Variants in MTMR9 observed in about 807,000 individuals in gnomAD.
The protein encoded by MTMR9 is myotubularin-related protein 9.
Under a neutral mutation model 69.5 loss-of-function variants are expected in MTMR9, and 39 were observed. That is an observed-to-expected ratio of 0.56 (90% CI 0.43 to 0.73). The LOEUF is 0.73. Ranked by LOEUF, MTMR9 falls within the 30% of genes least tolerant of loss-of-function variation. The pLI is 0.00. For synonymous variants in MTMR9, 354 were observed against 240.8 expected (o/e 1.47, Z -4.35); for missense variants, 900 against 671.2 (o/e 1.34, Z -3.77).
intron 9 of MTMR9, chr8:11,320,684 G>A (rs939161079): frequency 1.2e-4 from 18 of 152,330 alleles, no homozygotes; most frequent in African/African-American, 4.3e-4. Context: ...AGTGAGCAGA[G>A]ATGATGCTAC....
chr8:11,312,058 T>C (rs539107170), intron 6 of MTMR9, among the ~76,000 whole-genome samples: 2 of 152,142 alleles, frequency 1.3e-5, no homozygotes, highest in African/African-American at 2.4e-5. Context: ...TATTTATTTA[T>C]TTAGGAGACA....
chr8:11,315,185 A>G, intron 7 of MTMR9, 121 bp downstream of exon 7: 1 of 1,223,196 alleles, frequency 8.2e-7, no homozygotes, highest in South Asian at 1.4e-5. Flanking sequence ...TGTGTGTTTA[A>G]TTTACTGCAG....
At chr8:11,321,491 A>G in intron 9 of MTMR9, 1 of 456,640 alleles carries the variant, frequency 2.2e-6, no homozygotes, top group South Asian at 1.5e-5. Flanking sequence ...CTTTGTACCA[A>G]ACCTCCTTGT....
intron 6 of MTMR9, 101 bp downstream of exon 6, chr8:11,309,789 A>C (rs1160050596): frequency 1.5e-6 from 2 of 1,329,896 alleles, no homozygotes; most frequent in Non-Finnish European, 2.1e-6. Flanking sequence ...AGTTTGCAGT[A>C]AATTACTGTG....
intron 1 of MTMR9, among the ~76,000 whole-genome samples, chr8:11,289,614 G>A (rs2572426): frequency 0.65 from 99,047 of 151,754 alleles, 33,648 homozygotes; most frequent in East Asian, 0.89. Flanking sequence ...TTTCACTCCC[G>A]TTTCCTGCCT....
At chr8:11,285,122 G>T in intron 1 of MTMR9, 52 bp downstream of exon 1, 1 of 1,463,790 alleles carries the variant, frequency 6.8e-7, no homozygotes, top group South Asian at 1.4e-5. Context: ...TCCCTTGTGG[G>T]CGCCCCGGGA....
chr8:11,298,729 C>G (rs3824210), intron 2 of MTMR9: 111 of 928,692 alleles, frequency 1.2e-4, no homozygotes, highest in South Asian at 6.6e-4. Flanking sequence ...CACCCCCCCC[C>G]CGCCATCCAG....
At position 11,314,773 on chromosome 8, in the gene MTMR9, C is replaced by T. The variant is rs1027200353; in HGVS notation, c.972-150C>T. On this transcript the variant is annotated intron_variant, in intron 6 of 9. Coordinates refer to ENST00000221086, the MANE Select transcript of MTMR9 (RefSeq NM_015458.4). Reference sequence around the variant, plus strand: ...ATTTAGATTTAGATTCTGAACTCTACAAGTCAGAGCAGAATGTTGTACTCA... The same window carrying T: ...ATTTAGATTTAGATTCTGAACTCTATAAGTCAGAGCAGAATGTTGTACTCA... 8 of 612,922 alleles carry T rather than the reference C, an allele frequency of 1.3e-5. No individual in the cohort carries two copies. The Admixed American group carries it at 1.7e-4, about 13-fold the overall frequency. 38.0% of individuals were successfully genotyped at this position (612,922 alleles called of 1,614,324 possible).
chr8:11,319,646 A>G (rs1341089093), intron 8 of MTMR9, 41 bp from the exon 9 acceptor site: 7 of 1,605,704 alleles, frequency 4.4e-6, no homozygotes, highest in Admixed American at 3.3e-5. Context: ...AATGGTTGTT[A>G]TAAATTAATT....
At chr8:11,315,123 G>A in intron 7 of MTMR9, 59 bp downstream of exon 7, 1 of 1,574,458 alleles carries the variant, frequency 6.4e-7, no homozygotes, top group Non-Finnish European at 8.7e-7. Flanking sequence ...ATCCTGCTTT[G>A]TGTGGTAGCT....
chr8:11,332,607 C>CTT (rs34322790), downstream of MTMR9, among the ~76,000 whole-genome samples: 36 of 148,956 alleles, frequency 2.4e-4, no homozygotes, highest in Middle Eastern at 3.4e-3. Flanking sequence ...TTGTTTTTTG[C>CTT]TTTTTTTTTT....
chr8:11,316,769 G>A lies in MTMR9; in HGVS notation c.1210G>A (p.Val404Met), dbSNP rs773090402. The A allele has an allele frequency of 1.7e-5, 28 of 1,613,784 alleles. No homozygotes were observed. Among genetic ancestry groups the A allele is most frequent in the Middle Eastern group, 3.3e-4 (2 of 6,082 alleles). ...TGTATTTCTTCTCTTCTTGGACTGC[G>A]TGTGGCAGATCCTTCGTCAGTTTCC... ...APVFLLFLDC[V>M]WQILRQFPCS... The change falls in exon 8 of 10, where the codon GTG becomes ATG. Residue 404 changes from valine (V) to methionine (M), a missense_variant. Coordinates refer to ENST00000221086, the MANE Select transcript of MTMR9 (RefSeq NM_015458.4).
the MTMR9 span, among the ~76,000 whole-genome samples, chr8:11,339,465 A>G: frequency 1.3e-5 from 2 of 152,348 alleles, no homozygotes; most frequent in Admixed American, 6.5e-5. Context: ...GCAAACCCAG[A>G]TCTGTAGGCC....
At chr8:11,304,525 T>C (rs753699437) in intron 3 of MTMR9, among the ~76,000 whole-genome samples, 2 of 152,126 alleles carry the variant, frequency 1.3e-5, no homozygotes, top group Non-Finnish European at 2.9e-5. Flanking sequence ...CCGTGTAAAA[T>C]AGGGAACTTG....
intron 3 of MTMR9, among the ~76,000 whole-genome samples, chr8:11,302,283 C>CAA (rs60497555): frequency 1.9e-5 from 2 of 103,958 alleles, no homozygotes; most frequent in Non-Finnish European, 3.7e-5. Context: ...AAGAGGAAGA[C>CAA]AAAAAAAAAA....
downstream of MTMR9, among the ~76,000 whole-genome samples, chr8:11,332,802 A>T (rs746953183): frequency 6.6e-6 from 1 of 152,232 alleles, no homozygotes; most frequent in East Asian, 1.9e-4. Flanking sequence ...AGGTTTCACT[A>T]TGTTGGCCAG....
intron 3 of MTMR9, among the ~76,000 whole-genome samples, chr8:11,303,079 A>G (rs1052674983): frequency 6.6e-6 from 1 of 151,338 alleles, no homozygotes; most frequent in African/African-American, 2.4e-5. Flanking sequence ...TAAAAACCCC[A>G]GTTGGTTTTT....
At chr8:11,286,423 G>C (rs1181518483) in intron 1 of MTMR9, among the ~76,000 whole-genome samples, 1 of 151,578 alleles carries the variant, frequency 6.6e-6, no homozygotes, top group African/African-American at 2.4e-5. Context: ...CCAGCACTTT[G>C]GGAGGCCAAG....
At chr8:11,335,096 G>C in the MTMR9 span, among the ~76,000 whole-genome samples, 1 of 152,146 alleles carries the variant, frequency 6.6e-6, no homozygotes, top group East Asian at 1.9e-4. Flanking sequence ...GACAGAAACA[G>C]AAAAAGTATA....
Sources: gnomAD v4.1 joint callset for allele counts (sites outside exome capture counted in the v4.1 genomes callset) on GRCh38, gnomAD v4.1.1 for gene constraint, MANE v1.5 for transcripts, NCBI Gene and HGNC (gene_info 2026-07-23, HGNC 2026-07-21) for gene names.